Variants in ABI1 observed in about 807,000 individuals in gnomAD.
ABI1 encodes the protein abl interactor 1.
In ABI1, 14 loss-of-function variants were observed where a neutral mutation model predicts 54.6. The ratio of observed to expected loss-of-function variants is 0.26; its 90% CI spans 0.17 to 0.40. ABI1 has a LOEUF of 0.40. Ranked by LOEUF, ABI1 falls within the 10% of genes least tolerant of loss-of-function variation. The pLI, the probability that ABI1 is intolerant of heterozygous loss-of-function variation, is 1.00. For synonymous variants in ABI1, 194 were observed against 209.3 expected (o/e 0.93, Z 0.63); for missense variants, 443 against 598.3 (o/e 0.74, Z 2.71).
chr10:26,851,736 T>C (rs530541894), intron 1 of ABI1, among the ~76,000 whole-genome samples: 2 of 151,372 alleles, frequency 1.3e-5, no homozygotes, highest in Non-Finnish European at 2.9e-5. Context: ...TCTTCCATTA[T>C]AAAAAGGAGT....
intron 1 of ABI1, among the ~76,000 whole-genome samples, chr10:26,832,514 G>A (rs1241640536): frequency 6.6e-6 from 1 of 152,088 alleles, no homozygotes; most frequent in Non-Finnish European, 1.5e-5. Context: ...AACCCAGGAG[G>A]CGGAGCTTGC....
At chr10:26,751,521 A>ATG (rs1245113383) in intron 10 of ABI1, 77 bp downstream of exon 10, 6 of 1,419,416 alleles carry the variant, frequency 4.2e-6, no homozygotes, top group Non-Finnish European at 5.7e-6. Flanking sequence ...GAAACATTGG[A>ATG]TTAGATGTTC....
At chr10:26,819,102 C>A (rs1330663757) in intron 2 of ABI1, among the ~76,000 whole-genome samples, 1 of 152,162 alleles carries the variant, frequency 6.6e-6, no homozygotes, top group Non-Finnish European at 1.5e-5. Flanking sequence ...GCATAGTCTA[C>A]CTTCAAGTGA....
chr10:26,810,480 A>C (rs139292550), intron 2 of ABI1, among the ~76,000 whole-genome samples: 2 of 152,352 alleles, frequency 1.3e-5, no homozygotes, highest in Admixed American at 1.3e-4. Context: ...AAATTTTTTG[A>C]AGTAAATGTT....
rs530115480 is a variant in ABI1, at chr10:26,860,669, C to G, written c.117+78G>C. 4 of 1,190,074 alleles carry G rather than the reference C, an allele frequency of 3.4e-6. No individual in the cohort carries two copies. Among genetic ancestry groups the G allele is most frequent in the African/African-American group, 1.5e-5 (1 of 66,926 alleles). The allele number at this position is 1,190,074 out of a possible 1,614,324, so 73.7% of individuals were successfully genotyped here. A position where few individuals can be genotyped will look rare whatever the true frequency, so the allele number is the denominator to read the frequency against. On this transcript the variant is annotated intron_variant, in intron 1 of 10. Transcript: ENST00000376140. The surrounding 1 kb of genome is among the most constrained non-coding windows in gnomAD (Gnocchi z 4.1). Reference sequence around the variant, plus strand: ...GCAGCCGCTGAGGTCAGGGCAGTTCCCCACCCCGCCCAGTGGGCTGGTCAC... The same window carrying G: ...GCAGCCGCTGAGGTCAGGGCAGTTCGCCACCCCGCCCAGTGGGCTGGTCAC...
chr10:26,804,333 A>T (rs1423864219), intron 2 of ABI1, among the ~76,000 whole-genome samples: 1 of 152,016 alleles, frequency 6.6e-6, no homozygotes. Context: ...CAGTGAGCTT[A>T]GATCGCACCA....
chr10:26,751,765 G>A lies in ABI1; in HGVS notation c.1103C>T (p.Pro368Leu), dbSNP rs780683919. 6.2e-6 allele frequency: 10 copies of A among 1,609,696 alleles called. No homozygotes were observed. The highest frequency in any genetic ancestry group is 8.5e-6 in the Non-Finnish European group (10 of 1,177,862). The change falls in exon 10 of 11, where the codon CCA becomes CTA. Residue 368 changes from proline to leucine, a missense_variant. Physicochemically the swap from Pro to Leu is moderately conservative, Grantham distance 98. Coordinates refer to ENST00000376140, the MANE Select transcript of ABI1 (RefSeq NM_001012750.3). ...VQENIADSPT[P>L]PPPPPPDDIP... ...GTCATCTGGTGGAGGTGGTGGCGGTGGAGTTGGACTATCAGCAACTAAAAA... is the reference window on the plus strand; with the variant it reads ...GTCATCTGGTGGAGGTGGTGGCGGTAGAGTTGGACTATCAGCAACTAAAAA...
At chr10:26,800,109 C>A (rs926153055) in intron 2 of ABI1, among the ~76,000 whole-genome samples, 1 of 152,026 alleles carries the variant, frequency 6.6e-6, no homozygotes, top group African/African-American at 2.4e-5. Context: ...TCGGGCCGGG[C>A]GCAGTGGCTC....
rs533884516 is a variant in ABI1 at position 26,842,573 on chromosome 10, C to T, written c.117+18174G>A. ...TGAGACCCAATCTAACCCTCTCCCC[C>T]TAAAAAGATGCCAATTTCATTGGTC... On this transcript the variant is annotated intron_variant, in intron 1 of 10. Transcript: ENST00000376140. 2.0e-5 allele frequency among the ~76,000 whole-genome samples: 3 copies of T among 152,268 alleles called. No homozygotes were observed. The South Asian group carries it at 6.2e-4, about 32-fold the overall frequency.
chr10:26,769,929 T>C (rs1840458901), intron 5 of ABI1, among the ~76,000 whole-genome samples: 1 of 152,208 alleles, frequency 6.6e-6, no homozygotes, highest in East Asian at 1.9e-4. Context: ...AAAGGCACCA[T>C]TTGGAATACT....
intron 1 of ABI1, among the ~76,000 whole-genome samples, chr10:26,829,008 C>G (rs1036800975): frequency 4.6e-5 from 7 of 152,120 alleles, no homozygotes; most frequent in Non-Finnish European, 7.3e-5. Context: ...GGGCGGATCA[C>G]GAGCTCAGGA....
At chr10:26,792,457 G>C (rs1186163549) in intron 2 of ABI1, among the ~76,000 whole-genome samples, 2 of 152,112 alleles carry the variant, frequency 1.3e-5, no homozygotes, top group African/African-American at 4.8e-5. Flanking sequence ...GCATAAGCCA[G>C]GGAAAAGAGG....
rs1303860076 is a variant in ABI1, at chr10:26,755,799, CA to C, written c.998-59del. 3.1e-6 allele frequency: 4 copies of C among 1,276,282 alleles called. No individual in the cohort carries two copies. In the East Asian group the frequency reaches 9.5e-5, roughly 30 times the overall value. The allele number at this position is 1,276,282 out of a possible 1,614,324, so 79.1% of individuals were successfully genotyped here. On this transcript the variant is annotated intron_variant, in intron 8 of 10. Coordinates refer to ENST00000376140, the MANE Select transcript of ABI1 (RefSeq NM_001012750.3). Reference sequence around the variant, plus strand: ...AACAGATAAAGGAAAGAAAAGGAAACAAACAAAAAGCAGAAGTCAGTTACAA... The same window carrying C: ...AACAGATAAAGGAAAGAAAAGGAAACAACAAAAAGCAGAAGTCAGTTACAA...
chr10:26,746,963 A>C lies in ABI1; in HGVS notation c.*1607T>G, dbSNP rs1837001110. On this transcript the variant is annotated 3_prime_UTR_variant, in exon 11 of 11. Transcript: ENST00000376140. ...TAGACAACAGGTTATATACAAATTAAGAGAACAATCCACTTGAAAAATGGA... is the reference window on the plus strand; with the variant it reads ...TAGACAACAGGTTATATACAAATTACGAGAACAATCCACTTGAAAAATGGA... 1 of 231,944 alleles carries C rather than the reference A, an allele frequency of 4.3e-6. No individual in the cohort carries two copies. The highest frequency in any genetic ancestry group is 8.6e-6 in the Non-Finnish European group (1 of 116,600). The allele number at this position is 231,944 out of a possible 1,614,324, so 14.4% of individuals were successfully genotyped here.
chr10:26,853,312 T>TTA (rs1491356849), intron 1 of ABI1, among the ~76,000 whole-genome samples: 14 of 143,030 alleles, frequency 9.8e-5, no homozygotes, highest in African/African-American at 1.9e-4. Context: ...TTTTTTTTTT[T>TTA]AAAAAAAATC....
At chr10:26,792,122 G>A (rs891638694) in intron 2 of ABI1, among the ~76,000 whole-genome samples, 4 of 152,188 alleles carry the variant, frequency 2.6e-5, no homozygotes, top group African/African-American at 9.6e-5. Flanking sequence ...GCAAGGGAAT[G>A]ATAAACATCC....
At chr10:26,827,101 G>A (rs1398809054) in intron 1 of ABI1, among the ~76,000 whole-genome samples, 3 of 151,862 alleles carry the variant, frequency 2.0e-5, no homozygotes, top group Non-Finnish European at 4.4e-5. Flanking sequence ...TTTTAGTAGA[G>A]ACAGGATTTC....
rs1404780187 is a variant in ABI1 at position 26,845,888 on chromosome 10, A to G, written c.117+14859T>C. Among the ~76,000 whole-genome samples the G allele has an allele frequency of 2.0e-5, 3 of 152,074 alleles. No homozygotes were observed. The East Asian group carries it at 5.8e-4, about 29-fold the overall frequency. ...ACAAGCACAGTGGCTCATGCCTGTAATCCCAGCACTTTGGGAGGCCGAGGC... is the reference window on the plus strand; with the variant it reads ...ACAAGCACAGTGGCTCATGCCTGTAGTCCCAGCACTTTGGGAGGCCGAGGC... On this transcript the variant is annotated intron_variant, in intron 1 of 10. Coordinates refer to ENST00000376140, the MANE Select transcript of ABI1 (RefSeq NM_001012750.3).
intron 2 of ABI1, among the ~76,000 whole-genome samples, chr10:26,817,842 C>T (rs2047675611): frequency 6.6e-6 from 1 of 152,072 alleles, no homozygotes; most frequent in African/African-American, 2.4e-5. Context: ...GGAATAAAAA[C>T]CACCAAAACT....
Sources: allele counts gnomAD v4.1 joint callset (sites outside exome capture counted in the v4.1 genomes callset), GRCh38; gene constraint gnomAD v4.1.1; non-coding constraint Gnocchi (gnomAD v3.1); transcripts MANE v1.5; gene names NCBI Gene and HGNC (gene_info 2026-07-23, HGNC 2026-07-21).